The following CNPY1 variants were observed in gnomAD, a reference collection of about 807,000 sequenced individuals.
CNPY1 encodes canopy FGF signaling regulator 1.
CNPY1 carries 14 observed loss-of-function variants against 14.4 expected under a neutral mutation model. That is an observed-to-expected ratio of 0.97 (90% CI 0.64 to 1.52). The LOEUF (loss-of-function observed/expected upper bound fraction) is 1.52. CNPY1 is among the 40% of genes most tolerant of loss of function. The probability of loss-of-function intolerance (pLI) is 0.00; values close to 1 mark genes in which losing one functional copy is unlikely to be tolerated. For missense variants in CNPY1, 129 were observed against 131.5 expected (o/e 0.98, Z 0.09); for synonymous variants, 43 against 46.5 (o/e 0.92, Z 0.31).
At chr7:155,521,906 C>T (rs1326816916) in intron 2 of CNPY1, among the ~76,000 whole-genome samples, 1 of 152,186 alleles carries the variant, frequency 6.6e-6, no homozygotes, top group Non-Finnish European at 1.5e-5. Context: ...GCAACCTGTG[C>T]CCTGCCCTGC....
Position 155,509,086 on chromosome 7 carries a change from A to G in CNPY1, c.111T>C (p.Ala37=), listed in dbSNP as rs6947243. The G allele has an allele frequency of 0.31, 482,950 of 1,574,820 alleles. 74,600 individuals are homozygous for G. The highest frequency in any genetic ancestry group is 0.35 in the East Asian group (15,633 of 44,482). The part of the protein sequence containing the change: ...GTQERRKIPL[A]QSEAFLTDLL... ...GATCCGTTAGGAACGCCTCCGACTG[A>G]GCTAGGGGGATCTAAGAAGAAAGAC... The change falls in exon 3 of 5, where the codon GCT becomes GCC. Residue 37 remains alanine, a synonymous_variant. Coordinates refer to ENST00000636446, the MANE Select transcript of CNPY1 (RefSeq NM_001393663.1).
intron 2 of CNPY1, among the ~76,000 whole-genome samples, chr7:155,516,457 C>T (rs1235536048): frequency 2.0e-5 from 3 of 152,150 alleles, no homozygotes; most frequent in Non-Finnish European, 4.4e-5. Flanking sequence ...CAGCGAGGAG[C>T]GGGCTGGCAC....
intron 2 of CNPY1, among the ~76,000 whole-genome samples, chr7:155,515,306 C>T (rs776026720): frequency 2.8e-5 from 4 of 144,930 alleles, no homozygotes; most frequent in South Asian, 2.4e-4. Context: ...CCCCCCCCCC[C>T]CCGGCCCCGG....
At chr7:155,510,608 C>G (rs1225899208) in intron 2 of CNPY1, 2 of 152,224 alleles carry the variant, frequency 1.3e-5, no homozygotes, top group Non-Finnish European at 2.9e-5. Flanking sequence ...CCACACGTAT[C>G]TAATCACTCA....
chr7:155,515,950 C>T (rs1421115435), intron 2 of CNPY1, among the ~76,000 whole-genome samples: 1 of 152,082 alleles, frequency 6.6e-6, no homozygotes, highest in Non-Finnish European at 1.5e-5. Flanking sequence ...CCCAGATCTC[C>T]TCCCGTGAGA....
chr7:155,533,511 C>A (rs1796977954), intron 2 of CNPY1, among the ~76,000 whole-genome samples: 1 of 152,210 alleles, frequency 6.6e-6, no homozygotes, highest in Non-Finnish European at 1.5e-5. Flanking sequence ...CTCCGGCCCG[C>A]GCAGAGCGGG....
At chr7:155,521,813 T>C (rs1013257495) in intron 2 of CNPY1, among the ~76,000 whole-genome samples, 1 of 152,138 alleles carries the variant, frequency 6.6e-6, no homozygotes, top group Admixed American at 6.5e-5. Flanking sequence ...CCCGGCACCC[T>C]GAGCTATGGA....
At chr7:155,508,310 C>T (rs1271949043) in intron 3 of CNPY1, among the ~76,000 whole-genome samples, 1 of 152,198 alleles carries the variant, frequency 6.6e-6, no homozygotes, top group Non-Finnish European at 1.5e-5. Context: ...CATACCTAAG[C>T]CTTTGTTTAA....
At chr7:155,519,457 G>C (rs1435183425) in intron 2 of CNPY1, among the ~76,000 whole-genome samples, 1 of 151,896 alleles carries the variant, frequency 6.6e-6, no homozygotes, top group Non-Finnish European at 1.5e-5. Context: ...GGAGGTCAAG[G>C]CTGTGGTGGA....
intron 2 of CNPY1, among the ~76,000 whole-genome samples, chr7:155,542,736 G>A (rs937196178): frequency 6.6e-6 from 1 of 152,230 alleles, no homozygotes; most frequent in Non-Finnish European, 1.5e-5. Context: ...ATCCACACCA[G>A]GGACTGAGCC....
intron 2 of CNPY1, among the ~76,000 whole-genome samples, chr7:155,526,688 G>A (rs192432274): frequency 2.2e-4 from 34 of 152,320 alleles, no homozygotes; most frequent in Admixed American, 5.9e-4. Flanking sequence ...ATCTTTCACT[G>A]GTTAGATTAC....
chr7:155,516,510 C>CA (rs1796624892), intron 2 of CNPY1, among the ~76,000 whole-genome samples: 2 of 152,106 alleles, frequency 1.3e-5, no homozygotes, highest in South Asian at 4.2e-4. Flanking sequence ...TCAATAGGAA[C>CA]TCTCAGATGA....
chr7:155,516,089 T>C (rs1000502657), intron 2 of CNPY1, among the ~76,000 whole-genome samples: 3 of 152,130 alleles, frequency 2.0e-5, no homozygotes, highest in Non-Finnish European at 1.5e-5. Flanking sequence ...TGTCCCTTGA[T>C]AGACCTCAGG....
intron 2 of CNPY1, among the ~76,000 whole-genome samples, chr7:155,522,290 A>C (rs991152602): frequency 3.9e-5 from 6 of 152,274 alleles, no homozygotes; most frequent in Non-Finnish European, 8.8e-5. Flanking sequence ...CGAGGCCCTG[A>C]GACACACTTC....
rs369850738 is a variant in CNPY1, at chr7:155,528,404, G to A, written c.99+17427C>T. Among the ~76,000 whole-genome samples, 16 of 152,342 alleles carry A rather than the reference G, an allele frequency of 1.1e-4. No homozygotes were observed. In the East Asian group the frequency reaches 1.2e-3, roughly 11 times the overall value. On this transcript the variant is annotated intron_variant, in intron 2 of 4. Transcript: ENST00000636446. ...CATAGCTCTGACAATGCCAGCTCTC[G>A]GTCATTGTCACGCTTCCTTCTCTGT... is the stretch of plus-strand genomic sequence containing the variant.
chr7:155,523,576 G>C (rs536923164), intron 2 of CNPY1, among the ~76,000 whole-genome samples: 1 of 152,294 alleles, frequency 6.6e-6, no homozygotes, highest in African/African-American at 2.4e-5. Flanking sequence ...AGCAACACGG[G>C]GGCTGGGTCG....
Position 155,537,586 on chromosome 7 carries a change from G to A in CNPY1, c.99+8245C>T, listed in dbSNP as rs558129229. On this transcript the variant is annotated intron_variant, in intron 2 of 4. Transcript: ENST00000636446. ...CTACAGGAATGTGCCATCACACCCC[G>A]CTAATTTTTTGTATTTTTAGTAGAG... 5.3e-5 allele frequency among the ~76,000 whole-genome samples: 8 copies of A among 152,040 alleles called. 1 individual carries two copies. In the South Asian group the frequency reaches 1.2e-3, roughly 24 times the overall value.
In CNPY1 at chr7:155,535,319, A is replaced by G. The variant is rs190958515; in HGVS notation, c.99+10512T>C. 9.7e-4 allele frequency among the ~76,000 whole-genome samples: 148 copies of G among 152,310 alleles called. 3 individuals carry two copies. In the East Asian group the frequency reaches 0.02, roughly 20 times the overall value. On this transcript the variant is annotated intron_variant, in intron 2 of 4. Transcript: ENST00000636446. ...GGAAGGTGAGCTGTGCCGGACCAAC[A>G]GCAGAAGCTTCAGGGGAGAGCCTTC...
chr7:155,524,979 C>T (rs1452180462), intron 2 of CNPY1, among the ~76,000 whole-genome samples: 10 of 152,096 alleles, frequency 6.6e-5, no homozygotes, highest in Non-Finnish European at 1.3e-4. Flanking sequence ...AGCACAGCTG[C>T]ACCTGTTGTA....
Sources: gnomAD v4.1 joint callset for allele counts (sites outside exome capture counted in the v4.1 genomes callset) on GRCh38, gnomAD v4.1.1 for gene constraint, MANE v1.5 for transcripts, NCBI Gene and HGNC (gene_info 2026-07-23, HGNC 2026-07-21) for gene names.